ELP2: variants seen among roughly 807,000 people sequenced by gnomAD.
ELP2 encodes the protein elongator acetyltransferase complex subunit 2.
A neutral mutation model predicts 119.2 loss-of-function variants in ELP2; 90 were observed. The observed-to-expected ratio is 0.75, with a 90% CI of 0.64 to 0.90. The LOEUF is 0.90. Among genes scored for constraint, ELP2 ranks in the 40% least tolerant of loss-of-function variants. The pLI, the probability that ELP2 is intolerant of heterozygous loss-of-function variation, is 0.00. For missense variants in ELP2, 921 were observed against 967.8 expected (o/e 0.95, Z 0.64); for synonymous variants, 339 against 331.0 (o/e 1.02, Z -0.26).
intron 19 of ELP2, among the ~76,000 whole-genome samples, chr18:36,169,548 A>G (rs903879871): frequency 6.6e-6 from 1 of 151,038 alleles, no homozygotes; most frequent in Non-Finnish European, 1.5e-5. Flanking sequence ...CACCACGCCC[A>G]GCTTATTTTT....
chr18:36,160,362 G>A (rs2144747888), intron 16 of ELP2, among the ~76,000 whole-genome samples: 1 of 152,084 alleles, frequency 6.6e-6, no homozygotes, highest in African/African-American at 2.4e-5. Flanking sequence ...ATCACTTGAG[G>A]CCAGGAGTTT....
Position 36,170,210 on chromosome 18 carries a change from TG to T in ELP2, c.2210+18del, listed in dbSNP as rs1319556128. 2.5e-6 allele frequency: 4 copies of T among 1,614,064 alleles called. No homozygotes were observed. In the East Asian group the frequency reaches 8.9e-5, roughly 36 times the overall value. On this transcript the variant is annotated intron_variant, in intron 20 of 21. Transcript: ENST00000358232. ...CCCTTCTCAACGGTCAGTCTCTGTG[TG>T]GGGCTTAGTTTTAAGAGGACCACTT... is the stretch of plus-strand genomic sequence containing the variant.
chr18:36,167,033 A>G, intron 18 of ELP2, 68 bp from the exon 19 acceptor site: 2 of 1,505,702 alleles, frequency 1.3e-6, no homozygotes, highest in East Asian at 2.3e-5. Flanking sequence ...GCACTTAAAC[A>G]TCACTTCCTA....
At chr18:36,140,805 T>C (rs1458715435) in intron 5 of ELP2, among the ~76,000 whole-genome samples, 2 of 152,246 alleles carry the variant, frequency 1.3e-5, no homozygotes, top group African/African-American at 4.8e-5. Flanking sequence ...TAACAACTTT[T>C]CATCTTGGTC....
intron 3 of ELP2, among the ~76,000 whole-genome samples, chr18:36,137,591 A>G (rs1620914): frequency 0.98 from 148,603 of 152,164 alleles, 72,665 homozygotes; most frequent in East Asian, 1. Context: ...AACCCAAAAC[A>G]TCAGTAGAAG....
chr18:36,138,473 CAAAT>C lies in ELP2; in HGVS notation c.445+48_445+51del, dbSNP rs563526283. On this transcript the variant is annotated intron_variant, in intron 4 of 21. Transcript: ENST00000358232. The stretch of plus-strand genomic sequence containing the variant: ...TCCAGACAAATGAAATAATATTTAA[CAAAT>C]GAATGACGAGTAGAAGAGCATATAT... 5.2e-5 allele frequency: 83 copies of C among 1,585,522 alleles called. No individual in the cohort carries two copies. In the African/African-American group the frequency reaches 6.9e-4, roughly 13 times the overall value.
At position 36,161,018 on chromosome 18, in the gene ELP2, C is replaced by T; in HGVS notation, c.1761+14C>T. ...TCAGCTTGTAAGGTAGGGAAGTTTA[C>T]TTTTGATTCTGCTTGGTCACAGGTT... On this transcript the variant is annotated intron_variant, in intron 17 of 21. Transcript: ENST00000358232. 6.2e-7 allele frequency: 1 copy of T among 1,601,382 alleles called. No individual in the cohort carries two copies. Among genetic ancestry groups the T allele is most frequent in the Non-Finnish European group, 8.6e-7 (1 of 1,168,646 alleles).
At position 36,138,892 on chromosome 18, in the gene ELP2, T is replaced by C; in HGVS notation, c.523+20T>C. The C allele has an allele frequency of 6.3e-7, 1 of 1,586,592 alleles. No homozygotes were observed. Among genetic ancestry groups the C allele is most frequent in the Non-Finnish European group, 8.7e-7 (1 of 1,155,462 alleles). ...CTGATGGTGAGTATCCTGTTAAGTA[T>C]ATGTTAAAAGGGCAGTATATTTGCA... On this transcript the variant is annotated intron_variant, in intron 5 of 21. Coordinates refer to ENST00000358232, the MANE Select transcript of ELP2 (RefSeq NM_018255.4).
In ELP2 at chr18:36,160,026, CTG is replaced by C; in HGVS notation, c.1688+13_1688+14del. 1 of 1,613,060 alleles carries C rather than the reference CTG, an allele frequency of 6.2e-7. No individual in the cohort carries two copies. Among genetic ancestry groups the C allele is most frequent in the Non-Finnish European group, 8.5e-7 (1 of 1,179,566 alleles). On this transcript the variant is annotated intron_variant, in intron 16 of 21. Transcript: ENST00000358232. ...TGAAGTTCAAAAACTGTAAGTTAAA[CTG>C]TATTTAGCTCTTTGGTCTGATTCTG...
chr18:36,139,544 T>C lies in ELP2; in HGVS notation c.523+672T>C, dbSNP rs1249920396. ...CGCTTCCATTCTGTGCAAGGCTCTG[T>C]GGAAGGAGAAGCTGCACACATTCTG... On this transcript the variant is annotated intron_variant, in intron 5 of 21. Coordinates refer to ENST00000358232, the MANE Select transcript of ELP2 (RefSeq NM_018255.4). The C allele has an allele frequency of 2.6e-6, 4 of 1,535,662 alleles. No individual in the cohort carries two copies. In the East Asian group the frequency reaches 7.3e-5, roughly 28 times the overall value.
chr18:36,148,889 G>A (rs1191455135), intron 11 of ELP2, among the ~76,000 whole-genome samples: 1 of 152,078 alleles, frequency 6.6e-6, no homozygotes, highest in East Asian at 1.9e-4. Context: ...AAAAAAATGT[G>A]TATGCACACA....
At chr18:36,141,223 G>A (rs1392743733) in intron 6 of ELP2, 22 bp downstream of exon 6, 11 of 1,569,978 alleles carry the variant, frequency 7.0e-6, no homozygotes, top group Non-Finnish European at 9.6e-6. Context: ...TATATTAAGA[G>A]GCTGGAATTA....
chr18:36,143,004 A>C, intron 8 of ELP2, 38 bp downstream of exon 8: 1 of 1,477,868 alleles, frequency 6.8e-7, no homozygotes, highest in Non-Finnish European at 9.3e-7. Context: ...AACGATACTT[A>C]GGTCTCCTAG....
At chr18:36,169,509 C>T (rs1444515742) in intron 19 of ELP2, among the ~76,000 whole-genome samples, 2 of 151,808 alleles carry the variant, frequency 1.3e-5, no homozygotes, top group African/African-American at 4.8e-5. Flanking sequence ...GCCTTAGCCT[C>T]CCTAGCAGCT....
intron 11 of ELP2, among the ~76,000 whole-genome samples, chr18:36,148,468 A>G (rs1567993984): frequency 6.6e-6 from 1 of 152,124 alleles, no homozygotes; most frequent in East Asian, 1.9e-4. Context: ...GACTGTAACA[A>G]GGGCTATGGG....
intron 19 of ELP2, among the ~76,000 whole-genome samples, chr18:36,168,454 G>C (rs2090969769): frequency 6.6e-6 from 1 of 152,142 alleles, no homozygotes; most frequent in Non-Finnish European, 1.5e-5. Flanking sequence ...CTCAGGGCTG[G>C]GGAGGCCTCA....
intron 11 of ELP2, among the ~76,000 whole-genome samples, chr18:36,153,417 A>G (rs1046067694): frequency 6.6e-6 from 1 of 152,160 alleles, no homozygotes; most frequent in Non-Finnish European, 1.5e-5. Context: ...TTCACTAAGT[A>G]TGTAGGGAAA....
chr18:36,145,944 T>G lies in ELP2; in HGVS notation c.893-4T>G. On this transcript the variant is annotated splice_region_variant and splice_polypyrimidine_tract_variant and intron_variant, in intron 9 of 21. Coordinates refer to ENST00000358232, the MANE Select transcript of ELP2 (RefSeq NM_018255.4). ...ACCTAAAGGGATTAGGTTTTATTTT[T>G]TAGATGGTGTCCTACAGCAGCCAGT... 6.2e-7 allele frequency: 1 copy of G among 1,611,352 alleles called. No individual in the cohort carries two copies. Among genetic ancestry groups the G allele is most frequent in the South Asian group, 1.1e-5 (1 of 91,052 alleles).
rs377580928 is a variant in ELP2, at chr18:36,158,821, A to G, written c.1465-14A>G. ...TTAGCATTTATAACTTAGATATTAT[A>G]TTTTCTATTCTAGCAAGATAGTGAT... On this transcript the variant is annotated splice_polypyrimidine_tract_variant and intron_variant, in intron 13 of 21. Transcript: ENST00000358232. 1.7e-5 allele frequency: 27 copies of G among 1,545,970 alleles called. No homozygotes were observed. Among genetic ancestry groups the G allele is most frequent in the Non-Finnish European group, 2.0e-5 (22 of 1,119,814 alleles).
Sources: gnomAD v4.1 joint callset for allele counts (sites outside exome capture counted in the v4.1 genomes callset) on GRCh38, gnomAD v4.1.1 for gene constraint, MANE v1.5 for transcripts, NCBI Gene and HGNC (gene_info 2026-07-23, HGNC 2026-07-21) for gene names.